The following WDR41 variants were observed in gnomAD, a reference collection of about 807,000 sequenced individuals.
WDR41 encodes WD repeat domain 41.
Under a neutral mutation model 69.3 loss-of-function variants are expected in WDR41, and 63 were observed. That is an observed-to-expected ratio of 0.91 (90% CI 0.74 to 1.12). The LOEUF (loss-of-function observed/expected upper bound fraction) is 1.12, where lower values mean the gene tolerates loss of function less well. WDR41 is among the 50% of genes most tolerant of loss of function. WDR41 has a pLI of 0.00. For synonymous variants in WDR41, 185 were observed against 192.1 expected, an observed-to-expected ratio of 0.96 and a Z score of 0.31; for missense variants, 543 against 534.5, an observed-to-expected ratio of 1.02 and a Z score of -0.16.
intron 1 of WDR41, among the ~76,000 whole-genome samples, chr5:77,591,582 T>C (rs1414450964): frequency 6.6e-6 from 1 of 152,138 alleles, no homozygotes; most frequent in Non-Finnish European, 1.5e-5. Flanking sequence ...TCTTGTAAGT[T>C]TTAGTCTGCT....
At chr5:77,451,148 GTCTCTGTATCACTTCAACAA>G in intron 7 of WDR41, 123 bp downstream of exon 7, 2 of 684,160 alleles carry the variant, frequency 2.9e-6, no homozygotes, top group South Asian at 4.0e-5. Context: ...AAATGTCTTA[GTCTCTGTATCACTTCAACAA>G]TCCCAAGAAG....
chr5:77,581,663 A>G (rs1743942220), intron 1 of WDR41, among the ~76,000 whole-genome samples: 1 of 152,212 alleles, frequency 6.6e-6, no homozygotes. Context: ...TTCTCCAACC[A>G]CAATGGGTTG....
intron 2 of WDR41, among the ~76,000 whole-genome samples, chr5:77,487,494 C>G (rs895216252): frequency 6.6e-6 from 1 of 152,184 alleles, no homozygotes; most frequent in African/African-American, 2.4e-5. Flanking sequence ...AACAGGAAAA[C>G]AGTGATGACA....
chr5:77,616,139 G>C (rs1293458154), intron 1 of WDR41, among the ~76,000 whole-genome samples: 2 of 150,624 alleles, frequency 1.3e-5, no homozygotes, highest in African/African-American at 2.4e-5. Context: ...TTTTTAGGTG[G>C]GGGAAATTGG....
intron 1 of WDR41, among the ~76,000 whole-genome samples, chr5:77,490,770 A>C (rs2112123962): frequency 6.6e-6 from 1 of 152,326 alleles, no homozygotes; most frequent in South Asian, 2.1e-4. Flanking sequence ...CCAGGTTAAA[A>C]CAGAATTATC....
chr5:77,513,790 G>T (rs1802245512), intron 1 of WDR41, among the ~76,000 whole-genome samples: 1 of 151,968 alleles, frequency 6.6e-6, no homozygotes, highest in Non-Finnish European at 1.5e-5. Context: ...TATTTTTCTA[G>T]CTCCTTTGAC....
At chr5:77,599,004 A>G (rs533655878) in intron 1 of WDR41, among the ~76,000 whole-genome samples, 3 of 152,170 alleles carry the variant, frequency 2.0e-5, no homozygotes, top group African/African-American at 7.2e-5. Flanking sequence ...GGGATGTGCA[A>G]TTACTAATAT....
chr5:77,463,472 AT>A (rs59968742), intron 3 of WDR41, among the ~76,000 whole-genome samples: 2,751 of 152,194 alleles, frequency 0.018, 35 homozygotes, highest in Middle Eastern at 0.061. Context: ...AATTTTGAGT[AT>A]TTTTTTCTAT....
At chr5:77,574,599 A>T (rs1412639415) in intron 1 of WDR41, among the ~76,000 whole-genome samples, 1 of 152,188 alleles carries the variant, frequency 6.6e-6, no homozygotes, top group Non-Finnish European at 1.5e-5. Context: ...CTTTGACTTG[A>T]TTTTAAAGAC....
At chr5:77,517,327 T>C (rs1387872451) in intron 1 of WDR41, among the ~76,000 whole-genome samples, 1 of 152,168 alleles carries the variant, frequency 6.6e-6, no homozygotes, top group East Asian at 1.9e-4. Flanking sequence ...ACAAATCTCA[T>C]CAACTTCTAA....
At chr5:77,474,850 T>G (rs935473647) in intron 2 of WDR41, among the ~76,000 whole-genome samples, 1 of 152,106 alleles carries the variant, frequency 6.6e-6, no homozygotes, top group Admixed American at 6.5e-5. Flanking sequence ...GGTCTACAGC[T>G]CCCAGCGTGA....
chr5:77,576,931 T>C (rs1326752963), intron 1 of WDR41, among the ~76,000 whole-genome samples: 1 of 152,144 alleles, frequency 6.6e-6, no homozygotes, highest in African/African-American at 2.4e-5. Context: ...GAACTCCACA[T>C]AGCATAATAA....
At chr5:77,619,338 A>G (rs1294908828) in intron 1 of WDR41, among the ~76,000 whole-genome samples, 2 of 152,150 alleles carry the variant, frequency 1.3e-5, no homozygotes, top group African/African-American at 4.8e-5. Context: ...AAATAGCTAA[A>G]CTAATCATCA....
chr5:77,474,144 A>G (rs1647435434), intron 2 of WDR41, among the ~76,000 whole-genome samples: 2 of 152,174 alleles, frequency 1.3e-5, no homozygotes, highest in South Asian at 4.1e-4. Flanking sequence ...AGGGACATGG[A>G]TGAAGCTGGA....
chr5:77,608,728 G>T (rs534186169), intron 1 of WDR41, among the ~76,000 whole-genome samples: 1 of 152,170 alleles, frequency 6.6e-6, no homozygotes, highest in Non-Finnish European at 1.5e-5. Context: ...CGTGAGTGAC[G>T]CAGAAGATGG....
At position 77,433,142 on chromosome 5, in the gene WDR41, G is replaced by GCAAGGTATAA. The variant is rs750174921; in HGVS notation, c.1363_1372dup (p.Ala458ValfsTer8). The GCAAGGTATAA allele has an allele frequency of 1.1e-5, 18 of 1,611,354 alleles. No homozygotes were observed. Among genetic ancestry groups the GCAAGGTATAA allele is most frequent in the Non-Finnish European group, 1.4e-5 (16 of 1,179,084 alleles). On this transcript the variant is annotated frameshift_variant, in exon 13 of 13. Transcript: ENST00000296679. LOFTEE classifies it high-confidence loss of function. ...TATTTTTAATTCCTTAAACTAGACA[G>GCAAGGTATAA]CAAGGTATAAGTCACCATTCTCCTC...
chr5:77,489,563 A>G lies in WDR41; in HGVS notation c.61T>C (p.Leu21=), dbSNP rs764858075. ...EPQGLAEKSP[L]QTIGEEQTQN... ...GTTTGTTCTTCACCTATTGTCTGTA[A>G]AGGAGATTTCTTGTATTGAAAAAAA... The change falls in exon 2 of 13, where the codon TTA becomes CTA. Residue 21 remains leucine, a synonymous_variant. Transcript: ENST00000296679. The G allele has an allele frequency of 3.8e-6, 6 of 1,564,756 alleles. No individual in the cohort carries two copies. The African/African-American group carries it at 4.3e-5, about 11-fold the overall frequency.
chr5:77,539,056 G>C (rs1743041519), intron 1 of WDR41, among the ~76,000 whole-genome samples: 1 of 152,062 alleles, frequency 6.6e-6, no homozygotes, highest in African/African-American at 2.4e-5. Context: ...CCATCTTGCT[G>C]TATCTTCATG....
upstream of WDR41, among the ~76,000 whole-genome samples, chr5:77,496,163 T>C (rs1056057753): frequency 6.6e-6 from 1 of 152,006 alleles, no homozygotes; most frequent in Non-Finnish European, 1.5e-5. Context: ...TAACATCACA[T>C]TCGATGGTGA....
Sources: allele counts gnomAD v4.1 joint callset (sites outside exome capture counted in the v4.1 genomes callset), GRCh38; gene constraint gnomAD v4.1.1; transcripts MANE v1.5; gene names NCBI Gene and HGNC (gene_info 2026-07-23, HGNC 2026-07-21).